ACTR3C: variants seen among roughly 807,000 people sequenced by gnomAD.
ACTR3C encodes the protein actin related protein 3C, also known as actin-related protein 3C.
Under a neutral mutation model 26.3 loss-of-function variants are expected in ACTR3C, and 18 were observed. That is an observed-to-expected ratio of 0.68 (90% confidence interval 0.47 to 1.01). The LOEUF (loss-of-function observed/expected upper bound fraction) is 1.01. Among genes scored for constraint, ACTR3C ranks in the 50% least tolerant of loss-of-function variants. ACTR3C has a pLI of 0.00. For missense variants in ACTR3C, 184 were observed against 250.7 expected (o/e 0.73, Z 1.80); for synonymous variants, 55 against 94.5 (o/e 0.58, Z 2.42).
the ACTR3C span, among the ~76,000 whole-genome samples, chr7:150,039,548 C>A: frequency 0.2 from 21,313 of 108,376 alleles, 672 homozygotes; most frequent in Middle Eastern, 0.25. Context: ...GTCCCCAGAG[C>A]CAGGGGGGGA....
the ACTR3C span, among the ~76,000 whole-genome samples, chr7:149,932,451 A>T: frequency 2.6e-5 from 4 of 152,110 alleles, no homozygotes; most frequent in African/African-American, 9.7e-5. Context: ...ATCTAATCAT[A>T]CCCTTTAAAA....
the ACTR3C span, among the ~76,000 whole-genome samples, chr7:149,897,101 C>T: frequency 1.3e-5 from 2 of 151,344 alleles, no homozygotes; most frequent in East Asian, 3.9e-4. Flanking sequence ...ACTAAGTTGC[C>T]TTTCAGAATA....
the ACTR3C span, among the ~76,000 whole-genome samples, chr7:150,072,878 T>C: frequency 6.6e-6 from 1 of 151,746 alleles, no homozygotes; most frequent in Non-Finnish European, 1.5e-5. Context: ...GAATTTATCA[T>C]TTGGATAAGG....
chr7:150,206,129 G>C, the ACTR3C span, among the ~76,000 whole-genome samples: 2 of 152,174 alleles, frequency 1.3e-5, no homozygotes, highest in Non-Finnish European at 2.9e-5. Context: ...TGATTTCTGT[G>C]ATCTCTGCTG....
At chr7:150,082,947 CT>C in the ACTR3C span, among the ~76,000 whole-genome samples, 47 of 108,556 alleles carry the variant, frequency 4.3e-4, 1 homozygote, top group African/African-American at 8.3e-4. Context: ...TTTTTTTTTT[CT>C]TTTTTTTTTT....
chr7:150,314,548 A>T (rs1796641458), intron 1 of ACTR3C, among the ~76,000 whole-genome samples: 1 of 152,216 alleles, frequency 6.6e-6, no homozygotes, highest in East Asian at 1.9e-4. Flanking sequence ...GTGTGAAGCA[A>T]ATGTGGCAAA....
At chr7:150,038,718 G>A in the ACTR3C span, among the ~76,000 whole-genome samples, 1 of 141,298 alleles carries the variant, frequency 7.1e-6, no homozygotes, top group Non-Finnish European at 1.6e-5. Flanking sequence ...CTCCAGGTGG[G>A]TCCTAAGGAT....
At chr7:150,098,780 C>T in the ACTR3C span, among the ~76,000 whole-genome samples, 1 of 151,866 alleles carries the variant, frequency 6.6e-6, no homozygotes, top group Non-Finnish European at 1.5e-5. Context: ...GTTACCAAAC[C>T]GTCTCAAGAT....
the ACTR3C span, among the ~76,000 whole-genome samples, chr7:150,132,434 G>A: frequency 2.6e-5 from 4 of 152,252 alleles, 1 homozygote; most frequent in South Asian, 8.3e-4. Flanking sequence ...ACATTAAAAA[G>A]TGGACAAAGA....
the ACTR3C span, among the ~76,000 whole-genome samples, chr7:149,960,704 A>G: frequency 0.048 from 7,269 of 152,192 alleles, 566 homozygotes; most frequent in African/African-American, 0.16. Flanking sequence ...GGTCCCAGTG[A>G]AAGCACTGCA....
the ACTR3C span, among the ~76,000 whole-genome samples, chr7:149,942,506 G>C: frequency 6.6e-6 from 1 of 152,158 alleles, no homozygotes; most frequent in Admixed American, 6.5e-5. Context: ...GGAAGGAGTG[G>C]ATGGGTTTCA....
At chr7:150,223,478 T>G in the ACTR3C span, among the ~76,000 whole-genome samples, 3 of 151,386 alleles carry the variant, frequency 2.0e-5, no homozygotes, top group African/African-American at 4.9e-5. Flanking sequence ...TGCAGGGTTT[T>G]TTTGTTTGTT....
chr7:150,265,082 C>T (rs1246574080), intron 6 of ACTR3C, among the ~76,000 whole-genome samples: 1 of 152,022 alleles, frequency 6.6e-6, no homozygotes, highest in African/African-American at 2.4e-5. Flanking sequence ...AATTTATCCT[C>T]AGAAAACTTC....
At chr7:150,032,679 A>C in the ACTR3C span, among the ~76,000 whole-genome samples, 1 of 138,144 alleles carries the variant, frequency 7.2e-6, no homozygotes, top group East Asian at 2.5e-4. Flanking sequence ...AGTTTTGGGA[A>C]TATCATGTCA....
At chr7:150,009,102 G>GAGAGCACAGCCCCTCCC in the ACTR3C span, among the ~76,000 whole-genome samples, 1 of 152,250 alleles carries the variant, frequency 6.6e-6, no homozygotes, top group African/African-American at 2.4e-5. Context: ...TAGGCAGGCA[G>GAGAGCACAGCCCCTCCC]AGAGCACAGC....
chr7:150,198,784 G>A, the ACTR3C span, among the ~76,000 whole-genome samples: 1 of 113,424 alleles, frequency 8.8e-6, no homozygotes, highest in Non-Finnish European at 1.7e-5. Flanking sequence ...CTGGCCAGCC[G>A]TGCCGTCCGG....
chr7:150,047,443 T>G, the ACTR3C span, among the ~76,000 whole-genome samples: 2 of 151,990 alleles, frequency 1.3e-5, no homozygotes, highest in African/African-American at 2.4e-5. Context: ...GGGACGGCGA[T>G]GACCGCGATC....
At chr7:149,884,265 G>A in the ACTR3C span, among the ~76,000 whole-genome samples, 3 of 152,218 alleles carry the variant, frequency 2.0e-5, no homozygotes, top group African/African-American at 7.2e-5. Context: ...TGTAGCACTG[G>A]AAGATGAGGG....
the ACTR3C span, chr7:150,041,503 A>G: frequency 5.0e-6 from 1 of 198,744 alleles, no homozygotes; most frequent in Non-Finnish European, 7.9e-6. Context: ...GGGGGTCCTA[A>G]GCCAGGGGGG....
Sources: gnomAD v4.1 joint callset for allele counts (sites outside exome capture counted in the v4.1 genomes callset) on GRCh38, gnomAD v4.1.1 for gene constraint, MANE v1.5 for transcripts, NCBI Gene and HGNC (gene_info 2026-07-23, HGNC 2026-07-21) for gene names.